The following HNF4A variants were observed in gnomAD, a reference collection of about 807,000 sequenced individuals.
HNF4A encodes the protein hepatocyte nuclear factor 4 alpha.
In HNF4A, 15 loss-of-function variants were observed where a neutral mutation model predicts 52.4. The observed-to-expected ratio is 0.29, with a 90% confidence interval of 0.19 to 0.44. The LOEUF (loss-of-function observed/expected upper bound fraction) is 0.44, where lower values mean the gene tolerates loss of function less well. Ranked by LOEUF, HNF4A falls within the 20% of genes least tolerant of loss-of-function variation. HNF4A has a pLI of 1.00. For synonymous variants in HNF4A, 280 were observed against 264.4 expected, an observed-to-expected ratio of 1.06 and a Z score of -0.57; for missense variants, 479 against 647.2, an observed-to-expected ratio of 0.74 and a Z score of 2.82.
chr20:44,402,452 T>A, intron 1 of HNF4A: 1 of 653,728 alleles, frequency 1.5e-6, no homozygotes, highest in South Asian at 1.6e-5. Context: ...GGGTCAGCGG[T>A]CTCTGGTGTG....
At chr20:44,366,375 C>A (rs2062970323) in intron 1 of HNF4A, among the ~76,000 whole-genome samples, 1 of 152,182 alleles carries the variant, frequency 6.6e-6, no homozygotes, top group African/African-American at 2.4e-5. Flanking sequence ...AATCCTAGTA[C>A]TTTGGGAGCC....
chr20:44,391,296 C>G (rs1670769463), intron 1 of HNF4A: 1 of 152,816 alleles, frequency 6.5e-6, no homozygotes, highest in South Asian at 2.1e-4. Flanking sequence ...CCACCAGGCC[C>G]CCACTATTCC....
chr20:44,365,035 G>A (rs536927727), intron 1 of HNF4A, among the ~76,000 whole-genome samples: 7 of 152,308 alleles, frequency 4.6e-5, no homozygotes, highest in African/African-American at 1.2e-4. Flanking sequence ...AAAGGGGAGC[G>A]TGAATTAGTT....
intron 3 of HNF4A, among the ~76,000 whole-genome samples, chr20:44,410,819 C>G (rs991420212): frequency 7.9e-5 from 12 of 152,084 alleles, no homozygotes; most frequent in African/African-American, 2.9e-4. Context: ...GAGCAGACAC[C>G]AAGCTCCCTG....
rs112038029 is a variant in HNF4A at position 44,413,975 on chromosome 20, G to A, written c.492+175G>A. Among the ~76,000 whole-genome samples the A allele has an allele frequency of 5.9e-3, 906 of 152,324 alleles. 4 individuals are homozygous for A. Among genetic ancestry groups the A allele is most frequent in the African/African-American group, 0.019 (782 of 41,588 alleles). On this transcript the variant is annotated intron_variant, in intron 4 of 9. Transcript: ENST00000316099. ...ATGGCCCAGTTTGCAGCAAGGGCAG[G>A]AATCGAACCTGGCGCCCTGGGGCAC... is the stretch of plus-strand genomic sequence containing the variant.
chr20:44,423,142 C>T (rs944191259), intron 7 of HNF4A, among the ~76,000 whole-genome samples: 2 of 151,978 alleles, frequency 1.3e-5, no homozygotes, highest in African/African-American at 4.8e-5. Flanking sequence ...CATGGTGAAA[C>T]CCCGTCTCTA....
rs972472972 is a variant in HNF4A, at chr20:44,428,240, G to A, written c.1130-95G>A. 5 of 1,280,866 alleles carry A rather than the reference G, an allele frequency of 3.9e-6. No individual in the cohort carries two copies. The African/African-American group carries it at 5.8e-5, about 15-fold the overall frequency. 79.3% of individuals were successfully genotyped at this position (1,280,866 alleles called of 1,614,324 possible). A position where few individuals can be genotyped will look rare whatever the true frequency, so the allele number is the denominator to read the frequency against. On this transcript the variant is annotated intron_variant, in intron 8 of 9. Coordinates refer to ENST00000316099, the MANE Select transcript of HNF4A (RefSeq NM_000457.6). Reference sequence around the variant, plus strand: ...AACAGGCACTGCCAATATTGGATGGGCTGGTTGATTGGCCACGCCTGAGGA... The same window carrying A: ...AACAGGCACTGCCAATATTGGATGGACTGGTTGATTGGCCACGCCTGAGGA...
intron 1 of HNF4A, among the ~76,000 whole-genome samples, chr20:44,356,517 A>C (rs1168877778): frequency 6.6e-6 from 1 of 152,162 alleles, no homozygotes; most frequent in Non-Finnish European, 1.5e-5. Flanking sequence ...AAAGCGTGAG[A>C]CGTCTTTACA....
intron 1 of HNF4A, among the ~76,000 whole-genome samples, chr20:44,387,906 T>C (rs573246967): frequency 1.3e-5 from 2 of 152,146 alleles, no homozygotes; most frequent in South Asian, 4.1e-4. Flanking sequence ...ACTTGCAAGA[T>C]GTTGGCTTGA....
At chr20:44,388,745 C>G (rs1228367915) in intron 1 of HNF4A, among the ~76,000 whole-genome samples, 3 of 152,220 alleles carry the variant, frequency 2.0e-5, no homozygotes, top group Non-Finnish European at 2.9e-5. Flanking sequence ...GAGTCTTGGC[C>G]GCCTCCTCCG....
At chr20:44,418,743 CAG>C (rs1294772169) in intron 6 of HNF4A, among the ~76,000 whole-genome samples, 1 of 152,186 alleles carries the variant, frequency 6.6e-6, no homozygotes, top group Non-Finnish European at 1.5e-5. Context: ...GCATTGAAGT[CAG>C]AGCACGATCA....
intron 7 of HNF4A, among the ~76,000 whole-genome samples, chr20:44,423,743 T>C (rs1166068585): frequency 6.6e-6 from 1 of 152,194 alleles, no homozygotes; most frequent in Non-Finnish European, 1.5e-5. Flanking sequence ...GCTAGGTGCT[T>C]ATTGGATGCA....
chr20:44,393,821 T>A (rs2063328402), intron 1 of HNF4A, among the ~76,000 whole-genome samples: 1 of 151,898 alleles, frequency 6.6e-6, no homozygotes, highest in Non-Finnish European at 1.5e-5. Flanking sequence ...GTGGAGAGAG[T>A]CAGGGCAGGG....
At chr20:44,418,367 G>T (rs1047948629) in intron 5 of HNF4A, 58 bp from the exon 6 acceptor site, 18 of 1,411,710 alleles carry the variant, frequency 1.3e-5, no homozygotes, top group Non-Finnish European at 1.6e-5. Context: ...CACTGAGTTG[G>T]CTACGGGCAG....
intron 1 of HNF4A, among the ~76,000 whole-genome samples, chr20:44,378,104 C>T (rs1038915009): frequency 6.6e-6 from 1 of 152,158 alleles, no homozygotes; most frequent in African/African-American, 2.4e-5. Flanking sequence ...TTCAAATTTA[C>T]ATTTCCTCTA....
intron 1 of HNF4A, among the ~76,000 whole-genome samples, chr20:44,363,985 C>T (rs1230627156): frequency 6.6e-6 from 1 of 152,122 alleles, no homozygotes; most frequent in South Asian, 2.1e-4. Flanking sequence ...CCACAGCACC[C>T]AGCCTCCATT....
At chr20:44,420,773 G>A (rs770162113) in intron 7 of HNF4A, among the ~76,000 whole-genome samples, 7 of 152,026 alleles carry the variant, frequency 4.6e-5, no homozygotes, top group Non-Finnish European at 7.4e-5. Flanking sequence ...AGATGTGATT[G>A]CACCACTGCA....
chr20:44,387,616 G>C (rs1303880848), intron 1 of HNF4A, among the ~76,000 whole-genome samples: 1 of 133,430 alleles, frequency 7.5e-6, no homozygotes, highest in Non-Finnish European at 1.6e-5. Context: ...GGGTAGGGAA[G>C]CCACAGGAGA....
intron 1 of HNF4A, among the ~76,000 whole-genome samples, chr20:44,367,012 G>A (rs1377669060): frequency 6.6e-6 from 1 of 152,064 alleles, no homozygotes; most frequent in Admixed American, 6.6e-5. Flanking sequence ...ATAACACCAT[G>A]GCCCAGGTAC....
Sources: allele counts gnomAD v4.1 joint callset (sites outside exome capture counted in the v4.1 genomes callset), GRCh38; gene constraint gnomAD v4.1.1; transcripts MANE v1.5; gene names NCBI Gene and HGNC (gene_info 2026-07-23, HGNC 2026-07-21).